The following IFFO1 variants were observed in gnomAD, a reference collection of about 807,000 sequenced individuals.
IFFO1 encodes intermediate filament family orphan 1.
IFFO1 carries 42 observed loss-of-function variants against 59.6 expected under a neutral mutation model. That is an observed-to-expected ratio of 0.70 (90% CI 0.55 to 0.91). IFFO1 has a LOEUF of 0.91. Among genes scored for constraint, IFFO1 ranks in the 40% least tolerant of loss-of-function variants. The pLI, the probability that IFFO1 is intolerant of heterozygous loss-of-function variation, is 0.00. For synonymous variants in IFFO1, 336 were observed against 342.8 expected (o/e 0.98, Z 0.22); for missense variants, 711 against 793.2 (o/e 0.90, Z 1.24).
rs965235264 is a variant in IFFO1 at position 6,540,003 on chromosome 12, G to A, written c.*480C>T. 5.5e-6 allele frequency: 1 copy of A among 182,486 alleles called. No individual in the cohort carries two copies. Among genetic ancestry groups the A allele is most frequent in the Admixed American group, 5.4e-5 (1 of 18,380 alleles). 11.3% of individuals were successfully genotyped at this position (182,486 alleles called of 1,614,324 possible). A position where few individuals can be genotyped will look rare whatever the true frequency, so the allele number is the denominator to read the frequency against. On this transcript the variant is annotated 3_prime_UTR_variant, in exon 10 of 10. Coordinates refer to ENST00000619571, the MANE Select transcript of IFFO1 (RefSeq NM_001193457.2). ...ACGCCCTCTGCCGCTGACAGGGACA[G>A]AAGCCCTCTCCAGCTGCGTGTGCTG...
Position 6,541,416 on chromosome 12 carries a change from G to T in IFFO1, c.1610+96C>A. On this transcript the variant is annotated intron_variant, in intron 9 of 9. Transcript: ENST00000619571. The surrounding 1 kb of genome is among the most constrained non-coding windows in gnomAD (Gnocchi z 4.8). ...AAAGGGCAGCCCCACAGCAAGATGTGACCCAGTCATTGCCTGAGGGTCTCT... is the reference window on the plus strand; with the variant it reads ...AAAGGGCAGCCCCACAGCAAGATGTTACCCAGTCATTGCCTGAGGGTCTCT... 1.3e-6 allele frequency: 2 copies of T among 1,492,642 alleles called. No individual in the cohort carries two copies. Among genetic ancestry groups the T allele is most frequent in the South Asian group, 1.2e-5 (1 of 82,934 alleles). The allele number at this position is 1,492,642 out of a possible 1,614,324, so 92.5% of individuals were successfully genotyped here.
chr12:6,552,940 C>T (rs1271274860), intron 1 of IFFO1, among the ~76,000 whole-genome samples: 1 of 152,170 alleles, frequency 6.6e-6, no homozygotes, highest in African/African-American at 2.4e-5. Context: ...CCAAATATCT[C>T]TCTTCCAAAA....
At chr12:6,552,009 A>T (rs1207521941) in intron 1 of IFFO1, 1 of 156,854 alleles carries the variant, frequency 6.4e-6, no homozygotes. Flanking sequence ...TAGCTGGCGT[A>T]GCAGCACATC....
At chr12:6,544,807 G>A (rs1946877388) in intron 8 of IFFO1, 1 of 152,254 alleles carries the variant, frequency 6.6e-6, no homozygotes, top group Admixed American at 6.5e-5. Context: ...ACCTGGCCAA[G>A]AAAACCAGGT....
chr12:6,539,298 A>G (rs1392020469), downstream of IFFO1: 2 of 152,258 alleles, frequency 1.3e-5, no homozygotes, highest in Non-Finnish European at 2.9e-5. Flanking sequence ...CTAAAATTAC[A>G]AAAATCAGCC....
At chr12:6,545,194 G>T (rs1193871455) in intron 8 of IFFO1, among the ~76,000 whole-genome samples, 2 of 151,980 alleles carry the variant, frequency 1.3e-5, no homozygotes, top group Non-Finnish European at 2.9e-5. Context: ...CAGCCTGGGC[G>T]ACACAGCGAG....
chr12:6,549,933 C>A lies in IFFO1; in HGVS notation c.931-37G>T. 1 of 1,596,292 alleles carries A rather than the reference C, an allele frequency of 6.3e-7. No individual in the cohort carries two copies. The highest frequency in any genetic ancestry group is 8.6e-7 in the Non-Finnish European group (1 of 1,168,986). ...GCCCAGGGAACAGTGAGGAGGCGCC[C>A]AGTTCTCCAGACAAGGACGAATTAG... On this transcript the variant is annotated intron_variant, in intron 3 of 9. Coordinates refer to ENST00000619571, the MANE Select transcript of IFFO1 (RefSeq NM_001193457.2). This position sits in a 1 kb window ranked among gnomAD's most constrained non-coding sequence, Gnocchi z 5.0.
In IFFO1 at chr12:6,548,825, C is replaced by T. The variant is rs765294329; in HGVS notation, c.1105G>A (p.Val369Ile). 1 of 1,612,350 alleles carries T rather than the reference C, an allele frequency of 6.2e-7. No individual in the cohort carries two copies. Among genetic ancestry groups the T allele is most frequent in the South Asian group, 1.1e-5 (1 of 90,864 alleles). Reference protein sequence around the residue: ...KLSLHLSPIKVPSMGGRKRER... With the variant: ...KLSLHLSPIKIPSMGGRKRER... ...CGCTTCCGCCCCCCCATGGATGGGA[C>T]CTTAATGGGAGACAAGTGCAGAGAC... Residue 369 changes from valine (V) to isoleucine (I), a missense_variant, in exon 6 of 10, where the codon GTC (valine) becomes ATC (isoleucine). Val to Ile is a conservative substitution (Grantham distance 29, BLOSUM62 3). Around this residue, in one of 3 missense-constraint regions of IFFO1, gnomAD observed 579 missense variants for 650.3 expected, o/e 0.89. Coordinates refer to ENST00000619571, the MANE Select transcript of IFFO1 (RefSeq NM_001193457.2). This position sits in a 1 kb window ranked among gnomAD's most constrained non-coding sequence, Gnocchi z 6.1.
chr12:6,554,673 T>A (rs1947361713), intron 1 of IFFO1, among the ~76,000 whole-genome samples: 1 of 152,186 alleles, frequency 6.6e-6, no homozygotes, highest in Admixed American at 6.5e-5. Context: ...CCTAGTGAAT[T>A]CCCTTCACTC....
intron 1 of IFFO1, among the ~76,000 whole-genome samples, chr12:6,552,779 T>A (rs1404511528): frequency 6.6e-6 from 1 of 152,108 alleles, no homozygotes; most frequent in African/African-American, 2.4e-5. Context: ...TACAAATGAA[T>A]CATCTGGAAG....
At position 6,549,468 on chromosome 12, in the gene IFFO1, AAACT is replaced by A; in HGVS notation, c.1080+4_1080+7del. The A allele has an allele frequency of 6.2e-7, 1 of 1,613,824 alleles. No homozygotes were observed. The highest frequency in any genetic ancestry group is 8.5e-7 in the Non-Finnish European group (1 of 1,179,724). Reference sequence around the variant, plus strand: ...GACATTAATAAGCTTGCGTGAGATCAAACTAACCAGCTTCTTCTGTGGAGGAAGC... The same window carrying A: ...GACATTAATAAGCTTGCGTGAGATCAAACCAGCTTCTTCTGTGGAGGAAGC... On this transcript the variant is annotated splice_donor_5th_base_variant and intron_variant, in intron 5 of 9. Coordinates refer to ENST00000619571, the MANE Select transcript of IFFO1 (RefSeq NM_001193457.2). The surrounding 1 kb of genome is among the most constrained non-coding windows in gnomAD (Gnocchi z 5.0).
At position 6,548,249 on chromosome 12, in the gene IFFO1, G is replaced by C. The variant is rs1423357313; in HGVS notation, c.1384-89C>G. On this transcript the variant is annotated intron_variant, in intron 7 of 9. Coordinates refer to ENST00000619571, the MANE Select transcript of IFFO1 (RefSeq NM_001193457.2). The surrounding 1 kb of genome is among the most constrained non-coding windows in gnomAD (Gnocchi z 6.1). ...GGGCCAAGTCAGGGAGAGAGAGAGA[G>C]AGGAAGTCTGGTTAAAGAAACTGGA... 2.2e-6 allele frequency: 3 copies of C among 1,359,164 alleles called. No homozygotes were observed. Among genetic ancestry groups the C allele is most frequent in the Middle Eastern group, 1.8e-4 (1 of 5,614 alleles). 84.2% of individuals were successfully genotyped at this position (1,359,164 alleles called of 1,614,324 possible). A position where few individuals can be genotyped will look rare whatever the true frequency, so the allele number is the denominator to read the frequency against.
Position 6,541,275 on chromosome 12 carries a change from C to A in IFFO1, c.1610+237G>T, listed in dbSNP as rs2136089275. Among the ~76,000 whole-genome samples, 1 of 152,316 alleles carries A rather than the reference C, an allele frequency of 6.6e-6. No homozygotes were observed. The highest frequency in any genetic ancestry group is 2.1e-4 in the South Asian group (1 of 4,826). ...TTTAAACTGCCTCTAACCAGGGGAA[C>A]CACCAGAGCTGGTGGCCTTGGGAGG... On this transcript the variant is annotated intron_variant, in intron 9 of 9. Transcript: ENST00000619571. The surrounding 1 kb of genome is among the most constrained non-coding windows in gnomAD (Gnocchi z 4.8).
chr12:6,546,175 C>A (rs1251110517), intron 8 of IFFO1, among the ~76,000 whole-genome samples: 2 of 152,200 alleles, frequency 1.3e-5, no homozygotes, highest in Non-Finnish European at 2.9e-5. Flanking sequence ...GGGTGGGAGA[C>A]ATGAACAGAA....
rs749534770 is a variant in IFFO1, at chr12:6,555,650, T to G, written c.380A>C (p.Gln127Pro). The G allele has an allele frequency of 6.3e-7, 1 of 1,589,324 alleles. No individual in the cohort carries two copies. The highest frequency in any genetic ancestry group is 1.7e-4 in the Middle Eastern group (1 of 5,928). Residue 127 changes from glutamine (Q) to proline (P), a missense_variant, in exon 1 of 10, where the codon CAG becomes CCG. Physicochemically the swap from Gln to Pro is moderately conservative, Grantham distance 76 (BLOSUM62 -1). This residue lies in a region of IFFO1 where 579 missense variants were observed against 650.3 expected (regional missense o/e 0.89). Transcript: ENST00000619571. The surrounding 1 kb of genome is among the most constrained non-coding windows in gnomAD (Gnocchi z 8.6). ...RGLGRRDQAVQTGFVSPIRPL... is the reference protein window; with the variant it reads ...RGLGRRDQAVPTGFVSPIRPL... ...CCGGATGGGGCTGACGAAGCCGGTCTGCACTGCCTGGTCGCGACGACCCAG... is the reference window on the plus strand; with the variant it reads ...CCGGATGGGGCTGACGAAGCCGGTCGGCACTGCCTGGTCGCGACGACCCAG...
At position 6,548,944 on chromosome 12, in the gene IFFO1, A is replaced by C. The variant is rs1947105240; in HGVS notation, c.1081-95T>G. The C allele has an allele frequency of 4.0e-6, 4 of 992,036 alleles. No individual in the cohort carries two copies. The highest frequency in any genetic ancestry group is 5.9e-6 in the Non-Finnish European group (4 of 673,812). 61.5% of individuals were successfully genotyped at this position (992,036 alleles called of 1,614,324 possible). Reference sequence around the variant, plus strand: ...TGGGGGAGAAGCATGAACCAGTAGGAAGGGGGGGCAGACAGAGAGAAAAGT... The same window carrying C: ...TGGGGGAGAAGCATGAACCAGTAGGCAGGGGGGGCAGACAGAGAGAAAAGT... On this transcript the variant is annotated intron_variant, in intron 5 of 9. Coordinates refer to ENST00000619571, the MANE Select transcript of IFFO1 (RefSeq NM_001193457.2). The surrounding 1 kb of genome is among the most constrained non-coding windows in gnomAD (Gnocchi z 6.1).
intron 8 of IFFO1, among the ~76,000 whole-genome samples, chr12:6,546,664 T>G (rs1243580841): frequency 6.6e-6 from 1 of 150,560 alleles, no homozygotes; most frequent in Non-Finnish European, 1.5e-5. Context: ...TTTTTTTTTG[T>G]ATTTTTCGTA....
rs1204757672 is a variant in IFFO1, at chr12:6,541,632, G to T, written c.1490C>A (p.Ala497Asp). The T allele has an allele frequency of 6.2e-7, 1 of 1,614,048 alleles. No homozygotes were observed. The highest frequency in any genetic ancestry group is 8.5e-7 in the Non-Finnish European group (1 of 1,179,996). Residue 497 changes from alanine to aspartate, a missense_variant, in exon 9 of 10, where the codon GCC becomes GAC. By Grantham distance (126) the Ala-to-Asp change is moderately radical. Transcript: ENST00000619571. The surrounding 1 kb of genome is among the most constrained non-coding windows in gnomAD (Gnocchi z 4.8). ...CCGGTTCATGTCGTTCTTGGCCGTGGCCAACTCCAGCTGTGGTGGGGCAGG... is the reference window on the plus strand; with the variant it reads ...CCGGTTCATGTCGTTCTTGGCCGTGTCCAACTCCAGCTGTGGTGGGGCAGG... ...ETIDQIELELATAKNDMNRHL... is the reference protein window; with the variant it reads ...ETIDQIELELDTAKNDMNRHL...
Position 6,549,028 on chromosome 12 carries a change from G to A in IFFO1, c.1081-179C>T, listed in dbSNP as rs1452219947. 12 of 617,584 alleles carry A rather than the reference G, an allele frequency of 1.9e-5. No homozygotes were observed. Among genetic ancestry groups the A allele is most frequent in the East Asian group, 5.5e-5 (2 of 36,308 alleles). 38.3% of individuals were successfully genotyped at this position (617,584 alleles called of 1,614,324 possible). A position where few individuals can be genotyped will look rare whatever the true frequency, so the allele number is the denominator to read the frequency against. ...AGTCACCAAGGGCCAGACACACAGCGGGGGTCAGGGCTGCAAACCGAGAAG... is the reference window on the plus strand; with the variant it reads ...AGTCACCAAGGGCCAGACACACAGCAGGGGTCAGGGCTGCAAACCGAGAAG... On this transcript the variant is annotated intron_variant, in intron 5 of 9. Coordinates refer to ENST00000619571, the MANE Select transcript of IFFO1 (RefSeq NM_001193457.2). The surrounding 1 kb of genome is among the most constrained non-coding windows in gnomAD (Gnocchi z 5.0).
Sources: allele counts gnomAD v4.1 joint callset (sites outside exome capture counted in the v4.1 genomes callset), GRCh38; gene constraint gnomAD v4.1.1; regional missense constraint gnomAD v4.1.1; non-coding constraint Gnocchi (gnomAD v3.1); transcripts MANE v1.5; gene names NCBI Gene and HGNC (gene_info 2026-07-23, HGNC 2026-07-21).